PHF24: variants seen among roughly 807,000 people sequenced by gnomAD.
PHF24 encodes Galpha inhibitory interacting protein.
Under a neutral mutation model 42.6 loss-of-function variants are expected in PHF24, and 25 were observed. The observed-to-expected ratio is 0.59, with a 90% CI of 0.43 to 0.82. The LOEUF is 0.82. Among genes scored for constraint, PHF24 ranks in the 40% least tolerant of loss-of-function variants. The probability of loss-of-function intolerance (pLI) is 0.00; values close to 1 mark genes in which losing one functional copy is unlikely to be tolerated. For synonymous variants in PHF24, 185 were observed against 204.8 expected, an observed-to-expected ratio of 0.90 and a Z score of 0.83; for missense variants, 470 against 538.1, an observed-to-expected ratio of 0.87 and a Z score of 1.25.
the PHF24 span, among the ~76,000 whole-genome samples, chr9:34,880,533 C>CA: frequency 3.3e-5 from 5 of 151,060 alleles, no homozygotes; most frequent in Non-Finnish European, 4.4e-5. Context: ...AAGTGGAAAA[C>CA]AAAAAAAAGC....
the PHF24 span, among the ~76,000 whole-genome samples, chr9:34,799,631 A>T: frequency 2.6e-5 from 4 of 152,162 alleles, no homozygotes; most frequent in African/African-American, 9.7e-5. Flanking sequence ...AGTCTAGAAG[A>T]TATCTTTTTC....
the PHF24 span, among the ~76,000 whole-genome samples, chr9:34,879,072 C>T: frequency 4.5e-4 from 68 of 152,272 alleles, no homozygotes; most frequent in Admixed American, 8.5e-4. Context: ...CTGCAGCCTC[C>T]GCTGGTGATA....
At chr9:34,873,071 T>C in the PHF24 span, among the ~76,000 whole-genome samples, 1 of 149,702 alleles carries the variant, frequency 6.7e-6, no homozygotes, top group African/African-American at 2.4e-5. Flanking sequence ...TTCTTGTAAA[T>C]TTGTTTGAGT....
At chr9:34,686,626 A>C in the PHF24 span, among the ~76,000 whole-genome samples, 1 of 152,212 alleles carries the variant, frequency 6.6e-6, no homozygotes, top group Non-Finnish European at 1.5e-5. Context: ...CTGAGAAGGG[A>C]TGTCAGATAC....
chr9:34,806,841 T>A, the PHF24 span, among the ~76,000 whole-genome samples: 10 of 152,358 alleles, frequency 6.6e-5, no homozygotes, highest in Non-Finnish European at 1.5e-4. Context: ...AAAATTCCAG[T>A]TTTGTATGGT....
the PHF24 span, among the ~76,000 whole-genome samples, chr9:34,929,922 G>C: frequency 6.6e-6 from 1 of 152,276 alleles, no homozygotes; most frequent in East Asian, 1.9e-4. Context: ...CCCTTTCAGA[G>C]AATTTCAGCG....
chr9:34,703,516 C>T, the PHF24 span, among the ~76,000 whole-genome samples: 1 of 151,904 alleles, frequency 6.6e-6, no homozygotes, highest in African/African-American at 2.4e-5. Context: ...AAGAACCCGA[C>T]AGTTGTTGGT....
the PHF24 span, among the ~76,000 whole-genome samples, chr9:34,812,570 A>T: frequency 6.6e-6 from 1 of 152,178 alleles, no homozygotes; most frequent in Non-Finnish European, 1.5e-5. Flanking sequence ...ATCCCTGCTA[A>T]ACCCAACTCA....
chr9:34,935,607 AAG>A, the PHF24 span, among the ~76,000 whole-genome samples: 30 of 150,826 alleles, frequency 2.0e-4, no homozygotes, highest in East Asian at 3.9e-4. Context: ...AAAAAAAAAA[AAG>A]AGAGAGAATG....
chr9:34,928,079 G>A, the PHF24 span, among the ~76,000 whole-genome samples: 1 of 152,112 alleles, frequency 6.6e-6, no homozygotes, highest in Admixed American at 6.5e-5. Context: ...AGCCAGGCAT[G>A]GTGGAGAGTG....
At chr9:34,688,036 T>C in the PHF24 span, among the ~76,000 whole-genome samples, 72,963 of 151,956 alleles carry the variant, frequency 0.48, 17,938 homozygotes, top group Admixed American at 0.52. Flanking sequence ...CACCTGGTAT[T>C]CCAGGTGATT....
the PHF24 span, among the ~76,000 whole-genome samples, chr9:34,667,060 G>A: frequency 6.6e-6 from 1 of 152,208 alleles, no homozygotes; most frequent in African/African-American, 2.4e-5. Context: ...ACTATAAATG[G>A]AGCAGGCTGG....
the PHF24 span, chr9:34,892,528 A>G: frequency 4.9e-6 from 2 of 411,010 alleles, no homozygotes; most frequent in Admixed American, 4.2e-5. Context: ...TTGTACTTGA[A>G]GATTCCTCAG....
the PHF24 span, chr9:34,838,333 T>A: frequency 1.3e-6 from 1 of 758,324 alleles, no homozygotes; most frequent in Non-Finnish European, 2.4e-6. Context: ...TCAGTTGGAA[T>A]CATAGTGTTG....
the PHF24 span, among the ~76,000 whole-genome samples, chr9:34,860,110 G>A: frequency 6.6e-6 from 1 of 152,118 alleles, no homozygotes; most frequent in Non-Finnish European, 1.5e-5. Context: ...AAGGTTTTGA[G>A]TTTCCCCTCC....
At chr9:34,701,384 G>A in the PHF24 span, among the ~76,000 whole-genome samples, 2 of 152,154 alleles carry the variant, frequency 1.3e-5, no homozygotes, top group Non-Finnish European at 2.9e-5. The surrounding 1 kb of genome is among the most constrained non-coding windows in gnomAD (Gnocchi z 5.8). Flanking sequence ...GGGCGACCGG[G>A]GCATGTGTGC....
intron 1 of PHF24, among the ~76,000 whole-genome samples, chr9:34,962,757 C>T (rs575573387): frequency 6.6e-6 from 1 of 152,342 alleles, no homozygotes; most frequent in Admixed American, 6.5e-5. Context: ...TGTGATGTTC[C>T]TTAACTGTTG....
chr9:34,960,046 C>T (rs949211747), intron 1 of PHF24, among the ~76,000 whole-genome samples: 3 of 152,308 alleles, frequency 2.0e-5, no homozygotes, highest in Middle Eastern at 3.4e-3. Context: ...TTAGGGGGAG[C>T]GCAAAGGGTC....
chr9:34,937,511 C>T, the PHF24 span, among the ~76,000 whole-genome samples: 4 of 152,132 alleles, frequency 2.6e-5, no homozygotes, highest in Admixed American at 6.5e-5. Flanking sequence ...ACAAACACTG[C>T]GGAAGGCCGC....
Sources: gnomAD v4.1 joint callset for allele counts (sites outside exome capture counted in the v4.1 genomes callset) on GRCh38, gnomAD v4.1.1 for gene constraint, Gnocchi (gnomAD v3.1) non-coding constraint, MANE v1.5 for transcripts, NCBI Gene and HGNC (gene_info 2026-07-23, HGNC 2026-07-21) for gene names.